The following TMEM223 variants were observed in gnomAD, a reference collection of about 807,000 sequenced individuals.
TMEM223 encodes transmembrane protein 223.
Under a neutral mutation model 14.1 loss-of-function variants are expected in TMEM223, and 14 were observed. The ratio of observed to expected loss-of-function variants is 0.99; its 90% CI spans 0.66 to 1.55. The LOEUF (loss-of-function observed/expected upper bound fraction) is 1.55. Ranked by LOEUF, TMEM223 falls within the 40% of genes most tolerant of loss-of-function variation. TMEM223 has a pLI of 0.00. For missense variants in TMEM223, 346 were observed against 269.9 expected (o/e 1.28, Z -1.97); for synonymous variants, 145 against 120.5 (o/e 1.20, Z -1.33).
At position 62,790,353 on chromosome 11, in the gene TMEM223, TG is replaced by T. The variant is rs2084345641; in HGVS notation, c.*269del. 5.5e-6 allele frequency: 3 copies of T among 546,842 alleles called. No individual in the cohort carries two copies. The African/African-American group carries it at 5.7e-5, about 10-fold the overall frequency. The allele number at this position is 546,842 out of a possible 1,614,324, so 33.9% of individuals were successfully genotyped here. ...TACTGTTAGGCAGCTGCCCTAGGGA[TG>T]ACTGCTCCTTTATTTGTTGTTAATG... is the stretch of plus-strand genomic sequence containing the variant. On this transcript the variant is annotated 3_prime_UTR_variant, in exon 2 of 2. Coordinates refer to ENST00000307366, the MANE Select transcript of TMEM223 (RefSeq NM_001080501.3).
chr11:62,789,261 T>A (rs1462219791), downstream of TMEM223: 1 of 1,613,938 alleles, frequency 6.2e-7, no homozygotes, highest in South Asian at 1.1e-5. Context: ...GAGCCTCACC[T>A]CCACCACAAG....
At chr11:62,782,906 C>T, downstream of TMEM223, 1 of 1,561,424 alleles carries the variant, frequency 6.4e-7, no homozygotes, top group African/African-American at 1.3e-5. Flanking sequence ...TCGTTATCTC[C>T]AAAATAGTGT....
chr11:62,781,096 C>A (rs1402888254), intron 1 of TMEM223, among the ~76,000 whole-genome samples: 1 of 150,948 alleles, frequency 6.6e-6, no homozygotes, highest in Non-Finnish European at 1.5e-5. Flanking sequence ...ATTAGCTGGG[C>A]GTGGTGGTGG....
intron 1 of TMEM223, chr11:62,781,678 A>AAAAAAT (rs1554997115): frequency 1.4e-4 from 66 of 464,582 alleles, no homozygotes; most frequent in East Asian, 3.2e-4. Flanking sequence ...AAAAAAAAAA[A>AAAAAAT]GTTGGACATT....
chr11:62,781,972 A>T, intron 1 of TMEM223: 1 of 1,614,050 alleles, frequency 6.2e-7, no homozygotes, highest in Non-Finnish European at 8.5e-7. Context: ...CAGTGGGGTA[A>T]GTGACCAGGC....
intron 2 of TMEM223, among the ~76,000 whole-genome samples, chr11:62,773,140 C>G (rs1236385315): frequency 1.4e-5 from 2 of 144,854 alleles, no homozygotes; most frequent in African/African-American, 5.1e-5. Flanking sequence ...CATGCCTGGC[C>G]TATAATTACA....
downstream of TMEM223, among the ~76,000 whole-genome samples, chr11:62,788,654 A>G (rs368914990): frequency 6.8e-6 from 1 of 146,628 alleles, no homozygotes; most frequent in Non-Finnish European, 1.5e-5. Context: ...CAGTGAGCCG[A>G]GATGGCGCCA....
downstream of TMEM223, chr11:62,789,165 T>C: frequency 6.2e-7 from 1 of 1,614,170 alleles, no homozygotes; most frequent in Non-Finnish European, 8.5e-7. Flanking sequence ...TGCCTCCTGC[T>C]TTTGCTCTTC....
chr11:62,778,098 C>T, intron 1 of TMEM223: 1 of 1,614,184 alleles, frequency 6.2e-7, no homozygotes, highest in African/African-American at 1.3e-5. Context: ...TACCAACATC[C>T]CCAAAGGCTG....
downstream of TMEM223, chr11:62,787,439 T>C (rs1052852623): frequency 5.7e-6 from 9 of 1,565,512 alleles, no homozygotes; most frequent in East Asian, 7.0e-5. Context: ...GCCATGGCGC[T>C]GTCCTGGCTG....
At chr11:62,785,989 G>T (rs1419447829), downstream of TMEM223, 1 of 311,990 alleles carries the variant, frequency 3.2e-6, no homozygotes, top group African/African-American at 2.1e-5. Context: ...TTTTGGAGTT[G>T]TCAGTAATGA....
downstream of TMEM223, chr11:62,787,293 C>A (rs372003013): frequency 6.5e-7 from 1 of 1,539,588 alleles, no homozygotes; most frequent in African/African-American, 1.4e-5. Context: ...ACTTGCCGCT[C>A]TGAGTCAGTG....
At chr11:62,787,711 C>T (rs1488198391), downstream of TMEM223, 309 of 775,794 alleles carry the variant, frequency 4.0e-4, no homozygotes, top group Non-Finnish European at 4.5e-5. Flanking sequence ...TCCTCCTGGC[C>T]AGGTCATACT....
chr11:62,783,545 T>C (rs1457682935), downstream of TMEM223, among the ~76,000 whole-genome samples: 3 of 151,608 alleles, frequency 2.0e-5, no homozygotes, highest in Admixed American at 2.0e-4. Flanking sequence ...CTTTTTTTTT[T>C]TTTTTTGAGA....
downstream of TMEM223, chr11:62,789,344 C>T: frequency 6.2e-7 from 1 of 1,614,016 alleles, no homozygotes; most frequent in Non-Finnish European, 8.5e-7. Flanking sequence ...AGCCGTCTTC[C>T]TGGTCTTGGT....
chr11:62,787,004 G>A, downstream of TMEM223: 1 of 1,483,340 alleles, frequency 6.7e-7, no homozygotes. Context: ...CCCTTGCCGC[G>A]CGTGCATCGG....
downstream of TMEM223, chr11:62,787,626 G>A: frequency 7.2e-7 from 1 of 1,394,280 alleles, no homozygotes; most frequent in Non-Finnish European, 9.4e-7. Flanking sequence ...GCTGCTCGGA[G>A]CCGGTGGACC....
At chr11:62,784,475 T>TTTTTGTATTTTTAG (rs2134722885), downstream of TMEM223, among the ~76,000 whole-genome samples, 1 of 150,858 alleles carries the variant, frequency 6.6e-6, no homozygotes, top group East Asian at 2.0e-4. Flanking sequence ...CCCGGCTAAT[T>TTTTTGTATTTTTAG]TTTTGTATTT....
chr11:62,785,617 C>T (rs1434328170), downstream of TMEM223, among the ~76,000 whole-genome samples: 1 of 150,540 alleles, frequency 6.6e-6, no homozygotes, highest in African/African-American at 2.5e-5. Flanking sequence ...TCACTGCAAC[C>T]TCTGCCCCCC....
Sources: allele counts gnomAD v4.1 joint callset (sites outside exome capture counted in the v4.1 genomes callset), GRCh38; gene constraint gnomAD v4.1.1; transcripts MANE v1.5; gene names NCBI Gene and HGNC (gene_info 2026-07-23, HGNC 2026-07-21).